The following FOXN4 variants were observed in gnomAD, a reference collection of about 807,000 sequenced individuals.
FOXN4 encodes the protein forkhead box N4, also known as forkhead box protein N4.
In FOXN4, 12 loss-of-function variants were observed where a neutral mutation model predicts 45.0. That is an observed-to-expected ratio of 0.27 (90% CI 0.17 to 0.43). The LOEUF is 0.43. Ranked by LOEUF, FOXN4 falls within the 20% of genes least tolerant of loss-of-function variation. The pLI is 1.00. For synonymous variants in FOXN4, 297 were observed against 295.0 expected, an observed-to-expected ratio of 1.01 and a Z score of -0.07; for missense variants, 560 against 694.9, an observed-to-expected ratio of 0.81 and a Z score of 2.18.
intron 8 of FOXN4, among the ~76,000 whole-genome samples, chr12:109,284,659 C>CGT (rs1565998086): frequency 6.6e-6 from 1 of 150,576 alleles, no homozygotes; most frequent in Non-Finnish European, 1.5e-5. Flanking sequence ...TCCTCTTCCA[C>CGT]GTGTGTGTGC....
chr12:109,286,851 C>A (rs2047717522), intron 6 of FOXN4, 107 bp from the exon 7 acceptor site: 2 of 1,464,116 alleles, frequency 1.4e-6, no homozygotes, highest in Non-Finnish European at 1.8e-6. Flanking sequence ...GGAAGCCTGC[C>A]CTGCTTGACC....
Position 109,285,265 on chromosome 12 carries a change from G to T in FOXN4, c.901+39C>A, listed in dbSNP as rs1205490092. ...CTTCCGTGTGTGTGTGTGTGTGTGTGTGTGTGTGTGCGCGCACTGCGGGCT... is the reference window on the plus strand; with the variant it reads ...CTTCCGTGTGTGTGTGTGTGTGTGTTTGTGTGTGTGCGCGCACTGCGGGCT... On this transcript the variant is annotated intron_variant, in intron 8 of 9. Transcript: ENST00000299162. The T allele has an allele frequency of 3.9e-6, 6 of 1,549,074 alleles. No individual in the cohort carries two copies. In the Middle Eastern group the frequency reaches 1.2e-3, roughly 297 times the overall value.
chr12:109,304,324 AAG>A (rs2047902159), intron 2 of FOXN4, among the ~76,000 whole-genome samples: 1 of 152,024 alleles, frequency 6.6e-6, no homozygotes, highest in Non-Finnish European at 1.5e-5. Context: ...GAAGGAAAGA[AAG>A]AAGTAAATAA....
At chr12:109,292,978 G>C (rs2047783065) in intron 2 of FOXN4, among the ~76,000 whole-genome samples, 1 of 152,034 alleles carries the variant, frequency 6.6e-6, no homozygotes, top group Non-Finnish European at 1.5e-5. Context: ...AGCCCCTCTG[G>C]CTCCCCCTTC....
In FOXN4 at chr12:109,287,909, C is replaced by T; in HGVS notation, c.403G>A (p.Asp135Asn). The change falls in exon 5 of 10, where the codon GAC (aspartate) becomes AAC (asparagine). Residue 135 changes from aspartate to asparagine, a missense_variant. By Grantham distance (23) the Asp-to-Asn change is conservative. Coordinates refer to ENST00000299162, the MANE Select transcript of FOXN4 (RefSeq NM_213596.3). The surrounding 1 kb of genome is among the most constrained non-coding windows in gnomAD (Gnocchi z 4.1). ...VGGQPSSGLQ[D>N]PPHLYSPATQ... ...GCAGGTGAGTACAGATGCGGCGGGT[C>T]CTGCAGGCCAGATGAGGGCTGGCCC... is the stretch of plus-strand genomic sequence containing the variant. The T allele has an allele frequency of 6.5e-7, 1 of 1,548,794 alleles. No individual in the cohort carries two copies.
intron 9 of FOXN4, 55 bp from the exon 10 acceptor site, chr12:109,279,985 T>C: frequency 6.2e-7 from 1 of 1,604,412 alleles, no homozygotes; most frequent in Non-Finnish European, 8.5e-7. Context: ...TGACCTGAGT[T>C]CGAATCCCCC....
In FOXN4 at chr12:109,291,967, C is replaced by G. The variant is rs1212065902; in HGVS notation, c.87-1681G>C. Among the ~76,000 whole-genome samples, 1 of 151,818 alleles carries G rather than the reference C, an allele frequency of 6.6e-6. No homozygotes were observed. Among genetic ancestry groups the G allele is most frequent in the Non-Finnish European group, 1.5e-5 (1 of 68,038 alleles). ...GCCACCCCTCCGGCTGCCACCCCTC[C>G]GGCCTGCTCGTAACTCATCTGGCCA... is the stretch of plus-strand genomic sequence containing the variant. On this transcript the variant is annotated intron_variant, in intron 2 of 9. Coordinates refer to ENST00000299162, the MANE Select transcript of FOXN4 (RefSeq NM_213596.3). This position sits in a 1 kb window ranked among gnomAD's most constrained non-coding sequence, Gnocchi z 6.6.
rs554160660 is a variant in FOXN4, at chr12:109,290,657, C to T, written c.87-371G>A. 9.9e-5 allele frequency among the ~76,000 whole-genome samples: 15 copies of T among 152,212 alleles called. No homozygotes were observed. Among genetic ancestry groups the T allele is most frequent in the African/African-American group, 2.6e-4 (11 of 41,516 alleles). ...ATTCCTATTTTACAGATGGGGAAAC[C>T]GAGGCACAGTTGGAGCTCACCTACT... is the stretch of plus-strand genomic sequence containing the variant. On this transcript the variant is annotated intron_variant, in intron 2 of 9. Transcript: ENST00000299162. The surrounding 1 kb of genome is among the most constrained non-coding windows in gnomAD (Gnocchi z 5.1).
intron 3 of FOXN4, among the ~76,000 whole-genome samples, 184 bp downstream of exon 3, chr12:109,289,956 TA>T (rs2047750346): frequency 6.6e-6 from 1 of 152,164 alleles, no homozygotes; most frequent in Non-Finnish European, 1.5e-5. Context: ...GGCGCACAGT[TA>T]AGCAAATGAT....
chr12:109,290,865 G>C lies in FOXN4; in HGVS notation c.87-579C>G, dbSNP rs937115937. 6.6e-6 allele frequency among the ~76,000 whole-genome samples: 1 copy of C among 152,198 alleles called. No individual in the cohort carries two copies. Among genetic ancestry groups the C allele is most frequent in the Admixed American group, 6.5e-5 (1 of 15,288 alleles). On this transcript the variant is annotated intron_variant, in intron 2 of 9. Coordinates refer to ENST00000299162, the MANE Select transcript of FOXN4 (RefSeq NM_213596.3). The surrounding 1 kb of genome is among the most constrained non-coding windows in gnomAD (Gnocchi z 5.1). ...CATGTGCTGAGGCAGCTGAGTGCCT[G>C]CTACCTGCCAGGCCCTGGACTCAGC...
intron 8 of FOXN4, among the ~76,000 whole-genome samples, chr12:109,283,510 C>T (rs2047673147): frequency 7.2e-6 from 1 of 139,298 alleles, no homozygotes; most frequent in Non-Finnish European, 1.5e-5. Context: ...GAGTCTTGCT[C>T]TGTCACCCAG....
At chr12:109,293,422 C>T (rs1020256080) in intron 2 of FOXN4, among the ~76,000 whole-genome samples, 43 of 152,196 alleles carry the variant, frequency 2.8e-4, no homozygotes, top group Non-Finnish European at 8.8e-5. Context: ...AGTTCTCTGC[C>T]CCATCACTCT....
chr12:109,307,124 G>A (rs2047928273), intron 2 of FOXN4, among the ~76,000 whole-genome samples: 1 of 152,216 alleles, frequency 6.6e-6, no homozygotes, highest in South Asian at 2.1e-4. Flanking sequence ...GTCCTCGTTT[G>A]GATCTCAGAA....
At chr12:109,292,189 G>A (rs1054620529) in intron 2 of FOXN4, among the ~76,000 whole-genome samples, 3 of 152,324 alleles carry the variant, frequency 2.0e-5, no homozygotes, top group Admixed American at 1.3e-4. Context: ...CTCCTGTTCA[G>A]TAACCTGCTG....
chr12:109,304,549 A>C (rs2047904422), intron 2 of FOXN4, among the ~76,000 whole-genome samples: 1 of 152,128 alleles, frequency 6.6e-6, no homozygotes, highest in Admixed American at 6.5e-5. Flanking sequence ...CCCCTTCATC[A>C]GCAGCAGGGC....
chr12:109,290,333 A>C lies in FOXN4; in HGVS notation c.87-47T>G. 6.7e-7 allele frequency: 1 copy of C among 1,501,382 alleles called. No homozygotes were observed. The highest frequency in any genetic ancestry group is 8.9e-7 in the Non-Finnish European group (1 of 1,119,504). 93.0% of individuals were successfully genotyped at this position (1,501,382 alleles called of 1,614,324 possible). On this transcript the variant is annotated intron_variant, in intron 2 of 9. Transcript: ENST00000299162. This position sits in a 1 kb window ranked among gnomAD's most constrained non-coding sequence, Gnocchi z 5.1. ...TCGGGCGGGAGGGGGAGCTTAGGCC[A>C]GCTCCTGGGGGTGCGTCCCGACCTC...
intron 2 of FOXN4, among the ~76,000 whole-genome samples, chr12:109,298,344 G>GTTTTTTTTTTTTTTT (rs71079539): frequency 7.6e-6 from 1 of 131,844 alleles, no homozygotes. Context: ...TTTTTTTTTT[G>GTTTTTTTTTTTTTTT]TTTTTTTTTT....
In FOXN4 at chr12:109,293,843, G is replaced by C. The variant is rs747065952; in HGVS notation, c.87-3557C>G. On this transcript the variant is annotated intron_variant, in intron 2 of 9. Coordinates refer to ENST00000299162, the MANE Select transcript of FOXN4 (RefSeq NM_213596.3). ...CGCTGAGAGTTGGTGTGACAGTGAC[G>C]GTCACATCTAGCTCTTTTGAACTGA... Among the ~76,000 whole-genome samples, 4 of 152,274 alleles carry C rather than the reference G, an allele frequency of 2.6e-5. No homozygotes were observed. In the South Asian group the frequency reaches 8.3e-4, roughly 32 times the overall value.
Position 109,281,655 on chromosome 12 carries a change from T to C in FOXN4, c.1046A>G (p.Gln349Arg), listed in dbSNP as rs1221281168. 29 of 1,610,522 alleles carry C rather than the reference T, an allele frequency of 1.8e-5. No homozygotes were observed. The highest frequency in any genetic ancestry group is 2.4e-5 in the Non-Finnish European group (28 of 1,178,748). ...GCLAVSQLPP[Q>R]PLMTLSLQSV... ...CTGCAGGGACAGGGTCATCAGTGGCTGGGGTGGGAGCTGGGAGACAGCCAG... is the reference window on the plus strand; with the variant it reads ...CTGCAGGGACAGGGTCATCAGTGGCCGGGGTGGGAGCTGGGAGACAGCCAG... The change falls in exon 9 of 10, where the codon CAG (glutamine) becomes CGG (arginine). Residue 349 changes from glutamine to arginine, a missense_variant. Physicochemically the swap from Gln to Arg is conservative, Grantham distance 43. Coordinates refer to ENST00000299162, the MANE Select transcript of FOXN4 (RefSeq NM_213596.3).
Sources: allele counts gnomAD v4.1 joint callset (sites outside exome capture counted in the v4.1 genomes callset), GRCh38; gene constraint gnomAD v4.1.1; non-coding constraint Gnocchi (gnomAD v3.1); transcripts MANE v1.5; gene names NCBI Gene and HGNC (gene_info 2026-07-23, HGNC 2026-07-21).